The following SPATA17 variants were observed in gnomAD, a reference collection of about 807,000 sequenced individuals.
SPATA17 encodes spermatogenesis-associated protein 17.
SPATA17 carries 53 observed loss-of-function variants against 62.2 expected under a neutral mutation model. That is an observed-to-expected ratio of 0.85 (90% confidence interval 0.68 to 1.07). SPATA17 has a LOEUF of 1.07. Among genes scored for constraint, SPATA17 ranks in the 50% least tolerant of loss-of-function variants. SPATA17 has a pLI of 0.00. For missense variants in SPATA17, 466 were observed against 425.5 expected, an observed-to-expected ratio of 1.10 and a Z score of -0.84; for synonymous variants, 146 against 146.8, an observed-to-expected ratio of 0.99 and a Z score of 0.04.
chr1:217,781,909 A>G lies in SPATA17; in HGVS notation c.724-265A>G, dbSNP rs117349706. On this transcript the variant is annotated intron_variant, in intron 7 of 10. Transcript: ENST00000366933. Reference sequence around the variant, plus strand: ...GCAACCTATAACAAGTTTATCAGTTATAACATGAAGATCTTTTGATGTAAG... The same window carrying G: ...GCAACCTATAACAAGTTTATCAGTTGTAACATGAAGATCTTTTGATGTAAG... Among the ~76,000 whole-genome samples, 328 of 152,280 alleles carry G rather than the reference A, an allele frequency of 2.2e-3. 2 individuals are homozygous for G. The highest frequency in any genetic ancestry group is 0.014 in the East Asian group (73 of 5,180).
intron 8 of SPATA17, among the ~76,000 whole-genome samples, chr1:217,794,471 A>C (rs1287275115): frequency 2.0e-5 from 3 of 152,230 alleles, no homozygotes; most frequent in African/African-American, 7.2e-5. Flanking sequence ...TCACTTTAAA[A>C]TTCTAAACCA....
chr1:217,734,114 C>T (rs1416999520), intron 5 of SPATA17, among the ~76,000 whole-genome samples: 1 of 152,152 alleles, frequency 6.6e-6, no homozygotes, highest in Non-Finnish European at 1.5e-5. Flanking sequence ...GGTTTTATCA[C>T]TCACAAAATA....
chr1:217,850,605 C>G, intron 9 of SPATA17: 5 of 1,595,368 alleles, frequency 3.1e-6, no homozygotes, highest in Non-Finnish European at 4.3e-6. Context: ...GATGGTCTTG[C>G]CAGTCAGGGT....
At chr1:217,742,807 T>G (rs1672651727) in intron 6 of SPATA17, among the ~76,000 whole-genome samples, 1 of 152,032 alleles carries the variant, frequency 6.6e-6, no homozygotes, top group Non-Finnish European at 1.5e-5. Context: ...TTTTTATTTT[T>G]TTCTCATAGA....
intron 1 of SPATA17, among the ~76,000 whole-genome samples, chr1:217,642,172 T>A (rs1670080747): frequency 6.6e-6 from 1 of 152,208 alleles, no homozygotes; most frequent in Non-Finnish European, 1.5e-5. Context: ...AATATTCATT[T>A]AGATCACTTG....
intron 9 of SPATA17, among the ~76,000 whole-genome samples, chr1:217,834,764 A>T (rs1373969319): frequency 1.3e-5 from 2 of 152,172 alleles, no homozygotes; most frequent in Non-Finnish European, 2.9e-5. Context: ...TTATAAATTT[A>T]GTGTAGTCTA....
At chr1:217,853,801 C>G (rs1334232583) in intron 9 of SPATA17, among the ~76,000 whole-genome samples, 1 of 152,004 alleles carries the variant, frequency 6.6e-6, no homozygotes, top group East Asian at 1.9e-4. Context: ...AACTTGTGGC[C>G]AATAGCACTA....
At chr1:217,726,810 A>G (rs532558889) in intron 5 of SPATA17, among the ~76,000 whole-genome samples, 1 of 151,942 alleles carries the variant, frequency 6.6e-6, no homozygotes, top group South Asian at 2.1e-4. Context: ...CATTATTACT[A>G]CAATAACCAC....
chr1:217,678,446 G>T (rs1410041543), intron 4 of SPATA17, among the ~76,000 whole-genome samples: 1 of 151,526 alleles, frequency 6.6e-6, no homozygotes, highest in Non-Finnish European at 1.5e-5. Context: ...CTGACCTCGT[G>T]ATCCACCCAC....
At chr1:217,631,758 T>A (rs1265904363) in intron 1 of SPATA17, among the ~76,000 whole-genome samples, 1 of 152,216 alleles carries the variant, frequency 6.6e-6, no homozygotes, top group African/African-American at 2.4e-5. Context: ...TTCAATACCC[T>A]GACTGGGGGT....
chr1:217,736,462 AAAC>A (rs1288209843), intron 5 of SPATA17, among the ~76,000 whole-genome samples: 3 of 152,232 alleles, frequency 2.0e-5, no homozygotes, highest in Admixed American at 2.0e-4. Flanking sequence ...TACGGAAGAA[AAAC>A]AACATTATGA....
chr1:217,792,623 T>C (rs933931562), intron 8 of SPATA17, among the ~76,000 whole-genome samples: 5 of 152,206 alleles, frequency 3.3e-5, no homozygotes, highest in Non-Finnish European at 7.3e-5. Context: ...TGAGAGAGAA[T>C]CTGTTTTGCT....
chr1:217,842,106 G>GT (rs1675420061), intron 9 of SPATA17, among the ~76,000 whole-genome samples: 1 of 151,690 alleles, frequency 6.6e-6, no homozygotes, highest in South Asian at 2.1e-4. Flanking sequence ...TTTTTATTCT[G>GT]TTATAGTGAA....
chr1:217,682,702 A>T (rs1347221694), intron 4 of SPATA17, among the ~76,000 whole-genome samples: 1 of 152,178 alleles, frequency 6.6e-6, no homozygotes, highest in Admixed American at 6.5e-5. Flanking sequence ...AATAAATGTA[A>T]GCAAGAACCC....
intron 8 of SPATA17, chr1:217,784,882 A>G (rs979032783): frequency 3.3e-5 from 5 of 151,964 alleles, no homozygotes; most frequent in African/African-American, 1.2e-4. Context: ...CTAAAAGACA[A>G]TTTTTCTAAG....
At chr1:217,772,684 T>A (rs926991207) in intron 6 of SPATA17, among the ~76,000 whole-genome samples, 2 of 152,212 alleles carry the variant, frequency 1.3e-5, no homozygotes, top group Non-Finnish European at 2.9e-5. Flanking sequence ...GAACTGTGCG[T>A]TGTTATTCTA....
chr1:217,788,023 G>A (rs570000362), intron 8 of SPATA17, among the ~76,000 whole-genome samples: 8 of 152,292 alleles, frequency 5.3e-5, no homozygotes, highest in African/African-American at 1.7e-4. Flanking sequence ...GTTATTAACA[G>A]GTGGAGCAAA....
intron 8 of SPATA17, among the ~76,000 whole-genome samples, chr1:217,784,457 A>G (rs1428459925): frequency 6.6e-6 from 1 of 152,146 alleles, no homozygotes; most frequent in East Asian, 1.9e-4. Flanking sequence ...GTGTTATAGT[A>G]GAAGTAGTAT....
chr1:217,752,273 C>T (rs1672932008), intron 6 of SPATA17, among the ~76,000 whole-genome samples: 1 of 152,090 alleles, frequency 6.6e-6, no homozygotes, highest in African/African-American at 2.4e-5. Flanking sequence ...AGTGATCCTC[C>T]CACCTCAGCC....
Sources: allele counts gnomAD v4.1 joint callset (sites outside exome capture counted in the v4.1 genomes callset), GRCh38; gene constraint gnomAD v4.1.1; transcripts MANE v1.5; gene names NCBI Gene and HGNC (gene_info 2026-07-23, HGNC 2026-07-21).